ATP13A4: variants seen among roughly 807,000 people sequenced by gnomAD.
The protein encoded by ATP13A4 is ATPase 13A4, also known as probable cation-transporting ATPase 13A4.
ATP13A4 carries 114 observed loss-of-function variants against 142.5 expected under a neutral mutation model. The ratio of observed to expected loss-of-function variants is 0.80; its 90% CI spans 0.69 to 0.93. The LOEUF is 0.93. Among genes scored for constraint, ATP13A4 ranks in the 40% least tolerant of loss-of-function variants. The pLI, the probability that ATP13A4 is intolerant of heterozygous loss-of-function variation, is 0.00. For missense variants in ATP13A4, 1,392 were observed against 1,454.0 expected, an observed-to-expected ratio of 0.96 and a Z score of 0.69; for synonymous variants, 488 against 514.8, an observed-to-expected ratio of 0.95 and a Z score of 0.70.
chr3:193,440,565 T>G lies in ATP13A4; in HGVS notation c.2512A>C (p.Lys838Gln). Residue 838 changes from lysine to glutamine, a missense_variant, in exon 21 of 30, where the codon AAA (lysine) becomes CAA (glutamine). Physicochemically the swap from Lys to Gln is moderately conservative, Grantham distance 53. Coordinates refer to ENST00000342695, the MANE Select transcript of ATP13A4 (RefSeq NM_032279.4). ...CACTGGCAAAGAACCTACTCCAGTT[T>G]CTGAAATTCTTCCACCAGACTGGAC... ...QKSSLVEEFQKLDYFVGMCGD... is the reference protein window; with the variant it reads ...QKSSLVEEFQQLDYFVGMCGD... The G allele has an allele frequency of 6.2e-7, 1 of 1,614,040 alleles. No homozygotes were observed.
chr3:193,485,705 G>A (rs1354103956), intron 7 of ATP13A4, among the ~76,000 whole-genome samples: 2 of 152,058 alleles, frequency 1.3e-5, no homozygotes, highest in African/African-American at 4.8e-5. Context: ...TTAGGAGAAG[G>A]GGCCTTTGAA....
intron 25 of ATP13A4, among the ~76,000 whole-genome samples, chr3:193,428,245 C>T (rs1715776084): frequency 6.6e-6 from 1 of 151,046 alleles, no homozygotes; most frequent in African/African-American, 2.5e-5. Context: ...AGTGAGATAC[C>T]ATCTCACACC....
intron 27 of ATP13A4, 118 bp downstream of exon 27, chr3:193,412,060 T>C: frequency 1.1e-6 from 1 of 892,236 alleles, no homozygotes; most frequent in Non-Finnish European, 1.9e-6. Flanking sequence ...AGTCCTAGAG[T>C]GGAAGTCAAG....
At chr3:193,592,906 C>A (rs1724877913) in intron 1 of ATP13A4, 1 of 165,340 alleles carries the variant, frequency 6.0e-6, no homozygotes. Flanking sequence ...CCCTCAATAT[C>A]CAACTCTTAA....
intron 8 of ATP13A4, among the ~76,000 whole-genome samples, chr3:193,478,005 C>A (rs2108653871): frequency 6.6e-6 from 1 of 152,022 alleles, no homozygotes; most frequent in South Asian, 2.1e-4. Flanking sequence ...CTGAAAACTG[C>A]AAAACACTGC....
chr3:193,567,089 C>T (rs918414804), intron 2 of ATP13A4, among the ~76,000 whole-genome samples: 2 of 151,930 alleles, frequency 1.3e-5, no homozygotes, highest in African/African-American at 4.8e-5. Context: ...CAGCATTGTT[C>T]AAATTGAATT....
intron 29 of ATP13A4, chr3:193,404,139 G>A (rs7646828): frequency 0.21 from 208,028 of 984,308 alleles, 22,532 homozygotes; most frequent in African/African-American, 0.25. Flanking sequence ...CTCCTTAATT[G>A]ACGTGAAAAC....
intron 1 of ATP13A4, among the ~76,000 whole-genome samples, chr3:193,591,997 C>T (rs1724813530): frequency 6.6e-6 from 1 of 151,880 alleles, no homozygotes; most frequent in Admixed American, 6.6e-5. Flanking sequence ...TCTAAGAGTC[C>T]TGCATTTGGG....
chr3:193,554,518 T>G, intron 1 of ATP13A4: 1 of 615,896 alleles, frequency 1.6e-6, no homozygotes, highest in Non-Finnish European at 2.9e-6. Flanking sequence ...ACAAGATGAA[T>G]ACAATATTTT....
At chr3:193,582,520 T>C (rs1204569271) in intron 1 of ATP13A4, among the ~76,000 whole-genome samples, 1 of 139,312 alleles carries the variant, frequency 7.2e-6, no homozygotes, top group Non-Finnish European at 1.5e-5. Context: ...ATTAATAATA[T>C]ATGTACATTA....
intron 1 of ATP13A4, among the ~76,000 whole-genome samples, chr3:193,541,564 C>G (rs1039905514): frequency 2.6e-5 from 4 of 152,060 alleles, no homozygotes; most frequent in Non-Finnish European, 5.9e-5. Flanking sequence ...ATATACTGAC[C>G]ATCAGATTGG....
chr3:193,403,597 C>T, intron 29 of ATP13A4: 1 of 323,954 alleles, frequency 3.1e-6, no homozygotes, highest in Non-Finnish European at 4.4e-6. Context: ...CTCTAACCTT[C>T]ACCTTCACTG....
At chr3:193,415,170 G>T (rs1037177363) in intron 25 of ATP13A4, among the ~76,000 whole-genome samples, 5 of 152,166 alleles carry the variant, frequency 3.3e-5, no homozygotes, top group Admixed American at 6.5e-5. Flanking sequence ...AAGTTAATCA[G>T]AGATGTGAAA....
At position 193,520,203 on chromosome 3, in the gene ATP13A4, G is replaced by C. The variant is rs1049351710; in HGVS notation, c.61-5332C>G. Reference sequence around the variant, plus strand: ...GGAAAGGGAGGGAGAGAGGGATGAAGGGCAAGAGAGAAGGAGGGAAGGGAA... The same window carrying C: ...GGAAAGGGAGGGAGAGAGGGATGAACGGCAAGAGAGAAGGAGGGAAGGGAA... On this transcript the variant is annotated intron_variant, in intron 1 of 29. Coordinates refer to ENST00000342695, the MANE Select transcript of ATP13A4 (RefSeq NM_032279.4). Among the ~76,000 whole-genome samples, 22 of 152,200 alleles carry C rather than the reference G, an allele frequency of 1.4e-4. 1 individual carries two copies. The highest frequency in any genetic ancestry group is 9.8e-4 in the Admixed American group (15 of 15,288).
At chr3:193,556,621 GT>G (rs1436888465), upstream of ATP13A4, among the ~76,000 whole-genome samples, 1 of 151,388 alleles carries the variant, frequency 6.6e-6, no homozygotes, top group East Asian at 1.9e-4. Flanking sequence ...GGAGTAAAGG[GT>G]TTATGGGGGG....
intron 14 of ATP13A4, chr3:193,458,666 G>A (rs960811138): frequency 1.1e-5 from 3 of 277,974 alleles, no homozygotes; most frequent in Admixed American, 9.3e-5. Context: ...TATAGTCCCC[G>A]TGAATCTATG....
At chr3:193,492,454 T>A (rs960725153) in intron 5 of ATP13A4, among the ~76,000 whole-genome samples, 1 of 152,220 alleles carries the variant, frequency 6.6e-6, no homozygotes, top group Non-Finnish European at 1.5e-5. Context: ...TCTTGCATGG[T>A]GTTCTGCTGC....
intron 2 of ATP13A4, among the ~76,000 whole-genome samples, chr3:193,568,039 A>T (rs537559046): frequency 6.6e-6 from 1 of 152,036 alleles, no homozygotes; most frequent in South Asian, 2.1e-4. Context: ...GGCTCACTGC[A>T]ACCTCCGTCT....
At chr3:193,417,684 C>T (rs922570945) in intron 25 of ATP13A4, among the ~76,000 whole-genome samples, 1 of 136,944 alleles carries the variant, frequency 7.3e-6, no homozygotes. Flanking sequence ...TACCCAGAGA[C>T]ATTAGACAAA....
Sources: gnomAD v4.1 joint callset for allele counts (sites outside exome capture counted in the v4.1 genomes callset) on GRCh38, gnomAD v4.1.1 for gene constraint, MANE v1.5 for transcripts, NCBI Gene and HGNC (gene_info 2026-07-23, HGNC 2026-07-21) for gene names.